The following NRG1 variants were observed in gnomAD, a reference collection of about 807,000 sequenced individuals.
NRG1 encodes the protein neuregulin 1.
NRG1 carries 18 observed loss-of-function variants against 63.8 expected under a neutral mutation model. The observed-to-expected ratio is 0.28, with a 90% confidence interval of 0.19 to 0.42. The LOEUF (loss-of-function observed/expected upper bound fraction) is 0.42, where lower values mean the gene tolerates loss of function less well. NRG1 is among the 10% of genes least tolerant of loss of function. The pLI is 1.00. For missense variants in NRG1, 762 were observed against 814.7 expected (o/e 0.94, Z 0.79); for synonymous variants, 302 against 301.3 (o/e 1.00, Z -0.02).
intron 1 of NRG1, among the ~76,000 whole-genome samples, chr8:32,393,682 C>T (rs537299409): frequency 2.0e-5 from 3 of 151,984 alleles, no homozygotes; most frequent in Admixed American, 6.6e-5. Flanking sequence ...AGCTAAATGA[C>T]GAGAATACAT....
intron 1 of NRG1, among the ~76,000 whole-genome samples, chr8:32,289,727 TACTC>T (rs1853968264): frequency 1.3e-5 from 2 of 152,164 alleles, no homozygotes; most frequent in African/African-American, 2.4e-5. Flanking sequence ...ACAAATGAGA[TACTC>T]ATGAATATTT....
intron 1 of NRG1, among the ~76,000 whole-genome samples, chr8:31,789,936 C>T (rs143533083): frequency 6.6e-6 from 1 of 152,228 alleles, no homozygotes; most frequent in African/African-American, 2.4e-5. Context: ...CATTTTATGG[C>T]ATACTATGAT....
chr8:32,658,752 A>AT (rs947390675), intron 5 of NRG1, among the ~76,000 whole-genome samples: 12 of 152,088 alleles, frequency 7.9e-5, no homozygotes, highest in African/African-American at 2.9e-4. Flanking sequence ...TAATTGAAAC[A>AT]TTTTTTCTGC....
chr8:31,884,079 T>C (rs1830548024), intron 1 of NRG1, among the ~76,000 whole-genome samples: 1 of 152,152 alleles, frequency 6.6e-6, no homozygotes, highest in Non-Finnish European at 1.5e-5. Flanking sequence ...CTCCTATTCC[T>C]TTCCTATTGC....
At chr8:31,739,011 C>A (rs1279270269) in intron 1 of NRG1, among the ~76,000 whole-genome samples, 1 of 152,014 alleles carries the variant, frequency 6.6e-6, no homozygotes, top group Non-Finnish European at 1.5e-5. Context: ...CCAATTCAAC[C>A]AATAACTACA....
chr8:32,326,165 A>G (rs554859390), intron 1 of NRG1, among the ~76,000 whole-genome samples: 4 of 152,138 alleles, frequency 2.6e-5, no homozygotes, highest in African/African-American at 9.6e-5. Context: ...GCACGCCACC[A>G]TGCCCAGCTA....
intron 1 of NRG1, among the ~76,000 whole-genome samples, chr8:32,196,118 A>AGT (rs55951634): frequency 0.15 from 21,421 of 146,770 alleles, 1,582 homozygotes; most frequent in African/African-American, 0.2. Flanking sequence ...AAAAACAATG[A>AGT]GTGTGTGTGT....
intron 1 of NRG1, among the ~76,000 whole-genome samples, chr8:32,476,143 A>T (rs1363561200): frequency 6.6e-6 from 1 of 152,246 alleles, no homozygotes; most frequent in Admixed American, 6.5e-5. Flanking sequence ...TGTATTTGAC[A>T]AAAATTGGGG....
intron 1 of NRG1, among the ~76,000 whole-genome samples, chr8:32,552,020 C>T (rs1834233774): frequency 6.6e-6 from 1 of 151,270 alleles, no homozygotes; most frequent in South Asian, 2.1e-4. Flanking sequence ...AAGTGATTCC[C>T]CTGCCTCAGA....
intron 1 of NRG1, among the ~76,000 whole-genome samples, chr8:31,867,906 T>C (rs969203624): frequency 6.6e-6 from 1 of 152,104 alleles, no homozygotes; most frequent in Non-Finnish European, 1.5e-5. Context: ...TCACTGAAGG[T>C]ATATTGTAAA....
At chr8:32,556,056 A>G (rs896080936) in intron 1 of NRG1, among the ~76,000 whole-genome samples, 18 of 152,312 alleles carry the variant, frequency 1.2e-4, no homozygotes, top group African/African-American at 4.1e-4. Context: ...TTTCAATGAT[A>G]TGAGAGTCAC....
At chr8:31,820,201 C>T (rs1178960886) in intron 1 of NRG1, among the ~76,000 whole-genome samples, 3 of 152,096 alleles carry the variant, frequency 2.0e-5, no homozygotes, top group East Asian at 3.9e-4. Flanking sequence ...TGTGGAGTAA[C>T]GCGATGAGGG....
intron 1 of NRG1, among the ~76,000 whole-genome samples, chr8:31,834,776 C>T (rs577531212): frequency 2.6e-5 from 4 of 152,210 alleles, no homozygotes; most frequent in Non-Finnish European, 5.9e-5. Context: ...AAATTAGTAA[C>T]CAAATGGTTT....
chr8:32,280,204 G>T (rs1224726986), intron 1 of NRG1, among the ~76,000 whole-genome samples: 2 of 152,216 alleles, frequency 1.3e-5, no homozygotes, highest in Non-Finnish European at 2.9e-5. Context: ...TCAAACTTCT[G>T]CAATATCCCC....
intron 1 of NRG1, among the ~76,000 whole-genome samples, chr8:32,370,966 C>G (rs761286953): frequency 6.6e-6 from 1 of 150,456 alleles, no homozygotes; most frequent in Non-Finnish European, 1.5e-5. Flanking sequence ...AATCCTAGCA[C>G]TTTAGGAGGC....
At chr8:32,102,384 C>A (rs565610689) in intron 1 of NRG1, among the ~76,000 whole-genome samples, 1 of 152,224 alleles carries the variant, frequency 6.6e-6, no homozygotes, top group South Asian at 2.1e-4. Flanking sequence ...GCTTTCCTCC[C>A]TCCTTGGCAT....
intron 1 of NRG1, among the ~76,000 whole-genome samples, chr8:32,279,165 T>A (rs1852428600): frequency 6.6e-6 from 1 of 152,170 alleles, no homozygotes; most frequent in African/African-American, 2.4e-5. Flanking sequence ...GTTTATGTTG[T>A]GATGATAAAC....
intron 1 of NRG1, among the ~76,000 whole-genome samples, chr8:31,711,519 G>A (rs1290671991): frequency 8.5e-5 from 13 of 152,056 alleles, no homozygotes. Context: ...AACTGTCTGG[G>A]TTGTCTACAC....
chr8:32,413,198 A>G (rs1587482457), intron 1 of NRG1, among the ~76,000 whole-genome samples: 1 of 152,226 alleles, frequency 6.6e-6, no homozygotes, highest in Admixed American at 6.5e-5. Context: ...CAGTAAAAAT[A>G]TCTAAACAAC....
Sources: allele counts gnomAD v4.1 joint callset (sites outside exome capture counted in the v4.1 genomes callset), GRCh38; gene constraint gnomAD v4.1.1; transcripts MANE v1.5; gene names NCBI Gene and HGNC (gene_info 2026-07-23, HGNC 2026-07-21).